Variants in CACNA1S observed in about 807,000 individuals in gnomAD.
The protein encoded by CACNA1S is calcium voltage-gated channel subunit alpha1 S, also known as voltage-dependent L-type calcium channel subunit alpha-1S.
CACNA1S carries 126 observed loss-of-function variants against 207.4 expected under a neutral mutation model. The observed-to-expected ratio is 0.61, with a 90% CI of 0.53 to 0.70. CACNA1S has a LOEUF of 0.70. CACNA1S is among the 30% of genes least tolerant of loss of function. The pLI is 0.00. For synonymous variants in CACNA1S, 960 were observed against 932.7 expected (o/e 1.03, Z -0.53); for missense variants, 2,349 against 2,422.8 (o/e 0.97, Z 0.64).
At position 201,066,878 on chromosome 1, in the gene CACNA1S, G is replaced by T; in HGVS notation, c.2657+9C>A. On this transcript the variant is annotated intron_variant, in intron 20 of 43. Coordinates refer to ENST00000362061, the MANE Select transcript of CACNA1S (RefSeq NM_000069.3). The surrounding 1 kb of genome is among the most constrained non-coding windows in gnomAD (Gnocchi z 4.3). The stretch of plus-strand genomic sequence containing the variant: ...TCTGTGCCCAGGGCTGGCCCTTGCC[G>T]CTGCTCACTCAAGTCCCATGGAGAT... 6.2e-7 allele frequency: 1 copy of T among 1,605,552 alleles called. No individual in the cohort carries two copies. The highest frequency in any genetic ancestry group is 8.5e-7 in the Non-Finnish European group (1 of 1,172,262).
rs538560763 is a variant in CACNA1S at position 201,040,906 on chromosome 1, C to A, written c.5135-193G>T. Among the ~76,000 whole-genome samples, 4 of 152,352 alleles carry A rather than the reference C, an allele frequency of 2.6e-5. No individual in the cohort carries two copies. The East Asian group carries it at 7.7e-4, about 29-fold the overall frequency. On this transcript the variant is annotated intron_variant, in intron 41 of 43. Transcript: ENST00000362061. ...TCCAGGCCAGGCAGGGCTGCCCCAACTTTACTGGCCCTGGTCGCTGTTCTT... is the reference window on the plus strand; with the variant it reads ...TCCAGGCCAGGCAGGGCTGCCCCAAATTTACTGGCCCTGGTCGCTGTTCTT...
In CACNA1S at chr1:201,072,809, A is replaced by G; in HGVS notation, c.2173T>C (p.Phe725Leu). Residue 725 changes from phenylalanine (F) to leucine (L), a missense_variant, in exon 16 of 44, where the codon TTT becomes CTT. By Grantham distance (22) the Phe-to-Leu change is conservative. Coordinates refer to ENST00000362061, the MANE Select transcript of CACNA1S (RefSeq NM_000069.3). ...TTCACCTCATTGACATTAGATTCAA[A>G]CTCATCGATTTTCAGCTGTAGGAAG... is the stretch of plus-strand genomic sequence containing the variant. ...PTTAKLKIDE[F>L]ESNVNEVKDP... 3 of 1,613,740 alleles carry G rather than the reference A, an allele frequency of 1.9e-6. No homozygotes were observed. The highest frequency in any genetic ancestry group is 2.5e-6 in the Non-Finnish European group (3 of 1,179,718).
At chr1:201,045,082 T>A (rs936273737) in intron 38 of CACNA1S, among the ~76,000 whole-genome samples, 1 of 152,240 alleles carries the variant, frequency 6.6e-6, no homozygotes, top group Non-Finnish European at 1.5e-5. Context: ...GTGATCTTTA[T>A]TGATTGGATA....
intron 9 of CACNA1S, among the ~76,000 whole-genome samples, chr1:201,084,159 G>A (rs928546553): frequency 2.6e-5 from 4 of 152,140 alleles, no homozygotes; most frequent in African/African-American, 9.7e-5. Context: ...TTATCCTTTA[G>A]TGTGTATTAT....
At position 201,043,154 on chromosome 1, in the gene CACNA1S, T is replaced by C. The variant is rs556683985; in HGVS notation, c.5048+127A>G. 1.3e-5 allele frequency: 16 copies of C among 1,249,724 alleles called. No individual in the cohort carries two copies. The African/African-American group carries it at 1.8e-4, about 14-fold the overall frequency. The allele number at this position is 1,249,724 out of a possible 1,614,324, so 77.4% of individuals were successfully genotyped here. A position where few individuals can be genotyped will look rare whatever the true frequency, so the allele number is the denominator to read the frequency against. ...CTCTTACATTAAGGTTCAGGATGGATTGGGGCACAAAGGCAAGCAAAAGAC... is the reference window on the plus strand; with the variant it reads ...CTCTTACATTAAGGTTCAGGATGGACTGGGGCACAAAGGCAAGCAAAAGAC... On this transcript the variant is annotated intron_variant, in intron 40 of 43. Transcript: ENST00000362061.
rs756504992 is a variant in CACNA1S, at chr1:201,083,273, T to A, written c.1282A>T (p.Ile428Phe). Residue 428 changes from isoleucine (I) to phenylalanine (F), a missense_variant, in exon 10 of 44, where the codon ATC (isoleucine) becomes TTC (phenylalanine). Transcript: ENST00000362061. Reference protein sequence around the residue: ...NRIFRWKCHDIVKSKVFYWLV... With the variant: ...NRIFRWKCHDFVKSKVFYWLV... The stretch of plus-strand genomic sequence containing the variant: ...CAATAGAAGACCTTGGACTTCACGA[T>A]GTCATGGCACTTCCAGCGAAAGATG... The A allele has an allele frequency of 1.9e-6, 3 of 1,614,078 alleles. No homozygotes were observed. The highest frequency in any genetic ancestry group is 4.5e-5 in the East Asian group (2 of 44,894).
At chr1:201,076,854 C>T in intron 12 of CACNA1S, 66 bp downstream of exon 12, 2 of 1,465,306 alleles carry the variant, frequency 1.4e-6, no homozygotes, top group East Asian at 2.3e-5. Context: ...CCACCTTGAT[C>T]TTGAAGGACA....
In CACNA1S at chr1:201,084,947, C is replaced by A; in HGVS notation, c.1232+3G>T. 6.2e-7 allele frequency: 1 copy of A among 1,609,130 alleles called. No homozygotes were observed. Among genetic ancestry groups the A allele is most frequent in the African/African-American group, 1.3e-5 (1 of 74,958 alleles). On this transcript the variant is annotated splice_donor_region_variant and intron_variant, in intron 9 of 43. Transcript: ENST00000362061. ...GTTCCTGGGGCAGTGGGCAGATACT[C>A]ACATGAACTGGATGATTTTGTTCAA...
At position 201,043,442 on chromosome 1, in the gene CACNA1S, C is replaced by G; in HGVS notation, c.4887G>C (p.Gln1629His). The change falls in exon 40 of 44, where the codon CAG (glutamine) becomes CAC (histidine). Residue 1629 changes from glutamine to histidine, a missense_variant. Physicochemically the swap from Gln to His is conservative, Grantham distance 24. Coordinates refer to ENST00000362061, the MANE Select transcript of CACNA1S (RefSeq NM_000069.3). ...PPVMANQRPL[Q>H]FAEIEMEEME... ...TCTCTTCCATCTCTATCTCAGCAAA[C>G]TGGAGGGGTCTCTGATTGGCCATGA... is the stretch of plus-strand genomic sequence containing the variant. The G allele has an allele frequency of 6.2e-7, 1 of 1,614,152 alleles. No homozygotes were observed.
At position 201,039,845 on chromosome 1, in the gene CACNA1S, G is replaced by T; in HGVS notation, c.5608C>A (p.Pro1870Thr). 2 of 1,605,952 alleles carry T rather than the reference G, an allele frequency of 1.2e-6. No homozygotes were observed. Among genetic ancestry groups the T allele is most frequent in the Non-Finnish European group, 1.7e-6 (2 of 1,180,010 alleles). Reference protein sequence around the residue: ...QHQGSQETLIPPRL With the variant: ...QHQGSQETLITPRL Reference sequence around the variant, plus strand: ...CTGTGTGGGCATCACAGCCTTGGAGGAATAAGGGTCTCCTGGGAGCCCTGG... The same window carrying T: ...CTGTGTGGGCATCACAGCCTTGGAGTAATAAGGGTCTCCTGGGAGCCCTGG... Residue 1870 changes from proline to threonine, a missense_variant, in exon 44 of 44, where the codon CCT (proline) becomes ACT (threonine). By Grantham distance (38) the Pro-to-Thr change is conservative. Transcript: ENST00000362061.
intron 8 of CACNA1S, 86 bp downstream of exon 8, chr1:201,085,350 G>T: frequency 6.4e-7 from 1 of 1,560,758 alleles, no homozygotes; most frequent in Non-Finnish European, 8.8e-7. Context: ...TGTTGGACTT[G>T]CTCAGTGGGC....
At chr1:201,043,257 AG>A (rs759693450) in intron 40 of CACNA1S, 23 bp downstream of exon 40, 15 of 1,613,942 alleles carry the variant, frequency 9.3e-6, no homozygotes, top group Admixed American at 5.0e-5. Flanking sequence ...CTCTACACCC[AG>A]GGATGGCAGT....
intron 2 of CACNA1S, among the ~76,000 whole-genome samples, chr1:201,102,539 C>T (rs991146308): frequency 6.6e-6 from 1 of 152,210 alleles, no homozygotes; most frequent in African/African-American, 2.4e-5. Context: ...TTGCCCAGCT[C>T]CCACTGAGAG....
At position 201,068,231 on chromosome 1, in the gene CACNA1S, CTTTTTTTTTT is replaced by C. The variant is rs60151209; in HGVS notation, c.2550+896_2550+905del. 8.3e-4 allele frequency among the ~76,000 whole-genome samples: 39 copies of C among 47,008 alleles called. 1 individual carries two copies. In the East Asian group the frequency reaches 0.018, roughly 22 times the overall value. 30.8% of individuals were successfully genotyped at this position (47,008 alleles called of 152,430 possible). A position where few individuals can be genotyped will look rare whatever the true frequency, so the allele number is the denominator to read the frequency against. Reference sequence around the variant, plus strand: ...AATCACACAGCTCCCCGGCTCTGCTCTTTTTTTTTTTTTTTTTTTTTTTTTTTTTTGAGAT... The same window carrying C: ...AATCACACAGCTCCCCGGCTCTGCTCTTTTTTTTTTTTTTTTTTTTGAGAT... On this transcript the variant is annotated intron_variant, in intron 19 of 43. Transcript: ENST00000362061.
intron 40 of CACNA1S, 90 bp downstream of exon 40, chr1:201,043,191 T>C (rs1660337728): frequency 6.4e-7 from 1 of 1,554,894 alleles, no homozygotes; most frequent in Admixed American, 1.7e-5. Flanking sequence ...CCCTACAAAT[T>C]TGGGGTACCC....
At position 201,050,997 on chromosome 1, in the gene CACNA1S, A is replaced by T; in HGVS notation, c.4100T>A (p.Leu1367His). Residue 1367 changes from leucine (L) to histidine (H), a missense_variant, in exon 33 of 44, where the codon CTC becomes CAC. By Grantham distance (99) the Leu-to-His change is moderately conservative. Coordinates refer to ENST00000362061, the MANE Select transcript of CACNA1S (RefSeq NM_000069.3). ...TCAGCATCTCACCAGGAAGGCACAG[A>T]GCATGTAGAAGCTGATGAAGTAGTA... ...AYYYFISFYM[L>H]CAFLVINLFV... 1 of 1,614,220 alleles carries T rather than the reference A, an allele frequency of 6.2e-7. No individual in the cohort carries two copies. The highest frequency in any genetic ancestry group is 8.5e-7 in the Non-Finnish European group (1 of 1,180,040).
At position 201,053,239 on chromosome 1, in the gene CACNA1S, G is replaced by C. The variant is rs772723904; in HGVS notation, c.3831C>G (p.Leu1277=). The change falls in exon 31 of 44, where the codon CTC becomes CTG. Residue 1277 remains leucine, a synonymous_variant. Transcript: ENST00000362061. The surrounding 1 kb of genome is among the most constrained non-coding windows in gnomAD (Gnocchi z 5.1). ...LPYVALLIVM[L]FFIYAVIGMQ... ...TGCCGATGACAGCGTAGATGAAGAA[G>C]AGCATGACGATGAGCAGAGCCACGT... 6 of 1,614,244 alleles carry C rather than the reference G, an allele frequency of 3.7e-6. No homozygotes were observed. The South Asian group carries it at 6.6e-5, about 18-fold the overall frequency.
chr1:201,095,493 A>G (rs1011503604), intron 2 of CACNA1S, among the ~76,000 whole-genome samples: 1 of 152,152 alleles, frequency 6.6e-6, no homozygotes, highest in Non-Finnish European at 1.5e-5. Context: ...GAGGTCCCCA[A>G]ATGGCTCACT....
intron 10 of CACNA1S, 89 bp downstream of exon 10, chr1:201,083,072 TC>T: frequency 7.2e-7 from 1 of 1,394,676 alleles, no homozygotes. Flanking sequence ...ATTGACCTCT[TC>T]TGCACAACCT....
Sources: allele counts gnomAD v4.1 joint callset (sites outside exome capture counted in the v4.1 genomes callset), GRCh38; gene constraint gnomAD v4.1.1; non-coding constraint Gnocchi (gnomAD v3.1); transcripts MANE v1.5; gene names NCBI Gene and HGNC (gene_info 2026-07-23, HGNC 2026-07-21).